ASAP2: variants seen among roughly 807,000 people sequenced by gnomAD.
ASAP2 encodes the protein arf-GAP with SH3 domain, ANK repeat and PH domain-containing protein 2.
ASAP2 carries 45 observed loss-of-function variants against 131.4 expected under a neutral mutation model. The observed-to-expected ratio is 0.34, with a 90% CI of 0.27 to 0.44. ASAP2 has a LOEUF of 0.44. Ranked by LOEUF, ASAP2 falls within the 20% of genes least tolerant of loss-of-function variation. ASAP2 has a pLI of 1.00. For missense variants in ASAP2, 1,011 were observed against 1,297.0 expected (o/e 0.78, Z 3.39); for synonymous variants, 510 against 503.0 (o/e 1.01, Z -0.19).
intron 2 of ASAP2, among the ~76,000 whole-genome samples, chr2:9,289,949 C>G (rs190481729): frequency 6.6e-6 from 1 of 151,116 alleles, no homozygotes; most frequent in Non-Finnish European, 1.5e-5. Flanking sequence ...GGAACAAGCC[C>G]GGGGTGTTGG....
intron 11 of ASAP2, among the ~76,000 whole-genome samples, chr2:9,349,034 G>A (rs570967741): frequency 6.6e-6 from 1 of 152,234 alleles, no homozygotes; most frequent in East Asian, 1.9e-4. Context: ...TGGTCTGTCC[G>A]GGCCAGTGTC....
chr2:9,376,383 T>G (rs1674396998), intron 17 of ASAP2, among the ~76,000 whole-genome samples: 1 of 152,270 alleles, frequency 6.6e-6, no homozygotes, highest in East Asian at 1.9e-4. Flanking sequence ...ACCTGCCAGG[T>G]GTACTTTCAG....
intron 1 of ASAP2, among the ~76,000 whole-genome samples, chr2:9,262,234 G>A (rs1665621828): frequency 6.6e-6 from 1 of 152,186 alleles, no homozygotes; most frequent in Admixed American, 6.5e-5. Context: ...AAGTCTTTTT[G>A]TTCTTAGAGA....
intron 2 of ASAP2, 124 bp downstream of exon 2, chr2:9,279,513 TCA>T: frequency 1.2e-6 from 1 of 845,408 alleles, no homozygotes; most frequent in Non-Finnish European, 1.9e-6. Flanking sequence ...GGCATGCAGA[TCA>T]CAGAGGTGAG....
chr2:9,239,823 C>G (rs1387470102), intron 1 of ASAP2, among the ~76,000 whole-genome samples: 2 of 151,970 alleles, frequency 1.3e-5, no homozygotes, highest in Non-Finnish European at 2.9e-5. Context: ...CCTTTCTGGG[C>G]TCAAGTGATC....
At chr2:9,220,202 C>G (rs148458025) in intron 1 of ASAP2, among the ~76,000 whole-genome samples, 1 of 152,292 alleles carries the variant, frequency 6.6e-6, no homozygotes, top group Admixed American at 6.5e-5. Flanking sequence ...TATGTTTTCA[C>G]TTCTCTTGGG....
intron 15 of ASAP2, among the ~76,000 whole-genome samples, chr2:9,363,937 C>T (rs1304067597): frequency 6.6e-6 from 1 of 152,166 alleles, no homozygotes; most frequent in Non-Finnish European, 1.5e-5. Flanking sequence ...TCTGGGGAAT[C>T]ATGTCATCTT....
intron 1 of ASAP2, among the ~76,000 whole-genome samples, chr2:9,214,473 C>T (rs1372957588): frequency 6.6e-6 from 1 of 152,160 alleles, no homozygotes; most frequent in East Asian, 1.9e-4. Flanking sequence ...CTCCTGACCT[C>T]AGGTGATCCG....
At chr2:9,254,589 G>GT (rs1181088421) in intron 1 of ASAP2, among the ~76,000 whole-genome samples, 2 of 138,490 alleles carry the variant, frequency 1.4e-5, no homozygotes, top group Middle Eastern at 3.9e-3. Flanking sequence ...GGTCAGGCTG[G>GT]TCTCGAACTC....
In ASAP2 at chr2:9,275,436, T is replaced by C. The variant is rs76670954; in HGVS notation, c.127-3881T>C. ...GTAGACACAAGATCACTCTGTCATC[T>C]GTGGGAGTATCAGAGGCAGGAGGGC... On this transcript the variant is annotated intron_variant, in intron 1 of 27. Coordinates refer to ENST00000281419, the MANE Select transcript of ASAP2 (RefSeq NM_003887.3). Among the ~76,000 whole-genome samples, 292 of 152,330 alleles carry C rather than the reference T, an allele frequency of 1.9e-3. 2 individuals carry two copies. Among genetic ancestry groups the C allele is most frequent in the African/African-American group, 6.6e-3 (273 of 41,582 alleles).
At chr2:9,318,032 C>T (rs774978292) in intron 3 of ASAP2, among the ~76,000 whole-genome samples, 4 of 152,186 alleles carry the variant, frequency 2.6e-5, no homozygotes, top group Admixed American at 6.5e-5. Context: ...ACCCAGCATT[C>T]GCTCGTGTGC....
intron 20 of ASAP2, among the ~76,000 whole-genome samples, chr2:9,383,786 G>A (rs1290927015): frequency 6.6e-6 from 1 of 152,140 alleles, no homozygotes; most frequent in Non-Finnish European, 1.5e-5. Flanking sequence ...GTGATAGACT[G>A]GATTAAGAAA....
At chr2:9,334,201 G>GTTTTTTTTT (rs111579113) in intron 7 of ASAP2, among the ~76,000 whole-genome samples, 1 of 129,492 alleles carries the variant, frequency 7.7e-6, no homozygotes. Flanking sequence ...TTTTGTATTT[G>GTTTTTTTTT]TTTTTTTTTT....
rs566551311 is a variant in ASAP2, at chr2:9,249,459, T to C, written c.127-29858T>C. ...CACTTGGGCTTGTTCTTTGCTCTGA[T>C]GGGGAGTAATTTGAGGGACTCTCAT... On this transcript the variant is annotated intron_variant, in intron 1 of 27. Coordinates refer to ENST00000281419, the MANE Select transcript of ASAP2 (RefSeq NM_003887.3). Among the ~76,000 whole-genome samples the C allele has an allele frequency of 2.6e-5, 4 of 152,314 alleles. No homozygotes were observed. The East Asian group carries it at 7.7e-4, about 29-fold the overall frequency.
chr2:9,342,416 G>A (rs1572500760), intron 9 of ASAP2, among the ~76,000 whole-genome samples: 1 of 152,228 alleles, frequency 6.6e-6, no homozygotes, highest in African/African-American at 2.4e-5. Context: ...AGAAGGAGTA[G>A]TCTTTTCAAC....
At chr2:9,358,917 T>G (rs1279250378) in intron 15 of ASAP2, 28 bp downstream of exon 15, 13 of 1,593,502 alleles carry the variant, frequency 8.2e-6, no homozygotes, top group South Asian at 1.1e-5. Context: ...GATTTCAGAT[T>G]GGAAACAAAT....
At chr2:9,359,745 G>GACTTCGAATCCAGTGTGTCTGA (rs1263881974) in intron 15 of ASAP2, among the ~76,000 whole-genome samples, 1 of 152,210 alleles carries the variant, frequency 6.6e-6, no homozygotes, top group Non-Finnish European at 1.5e-5. Context: ...TCTTATTGAT[G>GACTTCGAATCCAGTGTGTCTGA]ACTTCGAATC....
chr2:9,233,037 G>A (rs1663277487), intron 1 of ASAP2, among the ~76,000 whole-genome samples: 1 of 152,172 alleles, frequency 6.6e-6, no homozygotes, highest in South Asian at 2.1e-4. Context: ...AATGGAGAAT[G>A]CTGCCAGTCT....
chr2:9,271,300 C>T, intron 1 of ASAP2: 5 of 840,488 alleles, frequency 5.9e-6, no homozygotes, highest in Non-Finnish European at 1.0e-5. Context: ...CCCCATGAAT[C>T]TTCAGCTGAT....
Sources: gnomAD v4.1 joint callset for allele counts (sites outside exome capture counted in the v4.1 genomes callset) on GRCh38, gnomAD v4.1.1 for gene constraint, MANE v1.5 for transcripts, NCBI Gene and HGNC (gene_info 2026-07-23, HGNC 2026-07-21) for gene names.